Variants in PKD1L1 observed in about 807,000 individuals in gnomAD.
PKD1L1 encodes the protein polycystin 1 like 1, transient receptor potential channel interacting.
In PKD1L1, 236 loss-of-function variants were observed where a neutral mutation model predicts 323.4. The ratio of observed to expected loss-of-function variants is 0.73; its 90% CI spans 0.66 to 0.81. The LOEUF is 0.81. Ranked by LOEUF, PKD1L1 falls within the 40% of genes least tolerant of loss-of-function variation. The probability of loss-of-function intolerance (pLI) is 0.00; values close to 1 mark genes in which losing one functional copy is unlikely to be tolerated. For synonymous variants in PKD1L1, 1,344 were observed against 1,335.0 expected (o/e 1.01, Z -0.15); for missense variants, 3,320 against 3,508.0 (o/e 0.95, Z 1.35).
Position 47,821,103 on chromosome 7 carries a change from T to C in PKD1L1, c.6938A>G (p.Asn2313Ser), listed in dbSNP as rs757413273. 3.1e-5 allele frequency: 49 copies of C among 1,601,608 alleles called. No homozygotes were observed. The highest frequency in any genetic ancestry group is 4.0e-5 in the Non-Finnish European group (47 of 1,168,758). Reference sequence around the variant, plus strand: ...TGTAAATTCTTTCCGGATAGCTTGATTGAGGGAGTATTCATCTTGGGAAAA... The same window carrying C: ...TGTAAATTCTTTCCGGATAGCTTGACTGAGGGAGTATTCATCTTGGGAAAA... Reference protein sequence around the residue: ...GRFSQDEYSLNQAIRKEFTRN... With the variant: ...GRFSQDEYSLSQAIRKEFTRN... The change falls in exon 46 of 57, where the codon AAT becomes AGT. Residue 2313 changes from asparagine to serine, a missense_variant. Coordinates refer to ENST00000289672, the MANE Select transcript of PKD1L1 (RefSeq NM_138295.5).
rs193209813 is a variant in PKD1L1 at position 47,840,883 on chromosome 7, C to T, written c.5446-316G>A. On this transcript the variant is annotated intron_variant, in intron 34 of 56. Coordinates refer to ENST00000289672, the MANE Select transcript of PKD1L1 (RefSeq NM_138295.5). The surrounding 1 kb of genome is among the most constrained non-coding windows in gnomAD (Gnocchi z 4.1). ...TTCTCATGAGGGCGGGAGAACACCA[C>T]GGTGGGCACACCATTTTCCTCCCTG... Among the ~76,000 whole-genome samples, 218 of 152,286 alleles carry T rather than the reference C, an allele frequency of 1.4e-3. 3 individuals carry two copies. Among genetic ancestry groups the T allele is most frequent in the South Asian group, 4.1e-4 (2 of 4,826 alleles).
At chr7:47,778,896 G>C (rs1786628315) in intron 56 of PKD1L1, among the ~76,000 whole-genome samples, 4 of 152,156 alleles carry the variant, frequency 2.6e-5, no homozygotes, top group Admixed American at 2.6e-4. Context: ...TTTTATTCTG[G>C]AAAGAATTGT....
At chr7:47,921,921 C>T (rs1362371879) in intron 7 of PKD1L1, among the ~76,000 whole-genome samples, 1 of 151,210 alleles carries the variant, frequency 6.6e-6, no homozygotes. Context: ...CCCCCTCTCC[C>T]TCTCCCTCTC....
intron 19 of PKD1L1, among the ~76,000 whole-genome samples, chr7:47,883,802 A>G (rs1013184245): frequency 2.6e-5 from 4 of 152,222 alleles, no homozygotes; most frequent in African/African-American, 9.6e-5. Context: ...TCATTCACTC[A>G]TCAGCCATTT....
intron 54 of PKD1L1, among the ~76,000 whole-genome samples, chr7:47,797,581 T>A (rs920456230): frequency 6.6e-6 from 1 of 152,182 alleles, no homozygotes; most frequent in African/African-American, 2.4e-5. Flanking sequence ...CAATATTGCC[T>A]GCCTGTCTCA....
At chr7:47,855,486 T>C (rs1411190429) in intron 28 of PKD1L1, among the ~76,000 whole-genome samples, 2 of 152,232 alleles carry the variant, frequency 1.3e-5, no homozygotes, top group Non-Finnish European at 2.9e-5. Flanking sequence ...TTAAAATTAA[T>C]AATTTCTAAA....
chr7:47,939,310 A>G (rs1336097172), intron 3 of PKD1L1, among the ~76,000 whole-genome samples: 1 of 152,232 alleles, frequency 6.6e-6, no homozygotes, highest in South Asian at 2.1e-4. Flanking sequence ...GCTGCTCTGC[A>G]TGAGGAATAC....
intron 56 of PKD1L1, among the ~76,000 whole-genome samples, chr7:47,790,807 G>C (rs2128723267): frequency 6.7e-6 from 1 of 149,030 alleles, no homozygotes; most frequent in South Asian, 2.1e-4. Flanking sequence ...GTCTCACTCT[G>C]TCACCTAGGC....
rs151025480 is a variant in PKD1L1, at chr7:47,808,788, T to G, written c.7687-401A>C. On this transcript the variant is annotated intron_variant, in intron 51 of 56. Coordinates refer to ENST00000289672, the MANE Select transcript of PKD1L1 (RefSeq NM_138295.5). The stretch of plus-strand genomic sequence containing the variant: ...ATCAGCACTTACGATGAATGGCACT[T>G]GCAGGACCAGAAGTGGCTCTGGGTG... Among the ~76,000 whole-genome samples, 353 of 152,324 alleles carry G rather than the reference T, an allele frequency of 2.3e-3. 2 individuals carry two copies. The highest frequency in any genetic ancestry group is 8.1e-3 in the African/African-American group (338 of 41,574).
intron 21 of PKD1L1, 148 bp downstream of exon 21, chr7:47,880,580 C>T: frequency 3.1e-6 from 1 of 322,824 alleles, no homozygotes; most frequent in Non-Finnish European, 5.6e-6. Flanking sequence ...CTGTGCCCAG[C>T]CCTATATATA....
At chr7:47,852,197 T>C (rs890570173) in intron 31 of PKD1L1, among the ~76,000 whole-genome samples, 14 of 152,178 alleles carry the variant, frequency 9.2e-5, no homozygotes, top group Admixed American at 4.6e-4. Context: ...CACATGCAGA[T>C]AAGGCAAATG....
intron 31 of PKD1L1, among the ~76,000 whole-genome samples, chr7:47,851,530 A>G (rs1223359913): frequency 6.6e-6 from 1 of 152,194 alleles, no homozygotes; most frequent in Non-Finnish European, 1.5e-5. Context: ...TGGTGGAATT[A>G]GCAAATCACC....
At chr7:47,913,611 C>T (rs1379724780) in intron 8 of PKD1L1, among the ~76,000 whole-genome samples, 1 of 152,174 alleles carries the variant, frequency 6.6e-6, no homozygotes, top group Non-Finnish European at 1.5e-5. Context: ...CCCCCTCTTG[C>T]TCCTACTCCG....
At chr7:47,881,017 T>C (rs974900049) in intron 20 of PKD1L1, among the ~76,000 whole-genome samples, 1 of 151,912 alleles carries the variant, frequency 6.6e-6, no homozygotes, top group South Asian at 2.1e-4. Flanking sequence ...CTGAGGATGG[T>C]CCATCCATCC....
intron 38 of PKD1L1, 35 bp downstream of exon 38, chr7:47,835,098 A>C: frequency 6.2e-7 from 1 of 1,607,094 alleles, no homozygotes; most frequent in Non-Finnish European, 8.5e-7. Context: ...GGGGCTGCTC[A>C]GGAGAACAGG....
intron 55 of PKD1L1, among the ~76,000 whole-genome samples, chr7:47,794,541 C>T (rs1240975540): frequency 6.6e-6 from 1 of 152,184 alleles, no homozygotes; most frequent in Non-Finnish European, 1.5e-5. Context: ...GCCTGGATAC[C>T]CAGGCAAAAG....
chr7:47,809,633 T>C (rs866144332), intron 50 of PKD1L1, 56 bp from the exon 51 acceptor site: 5 of 1,356,954 alleles, frequency 3.7e-6, no homozygotes, highest in Middle Eastern at 3.7e-4. Flanking sequence ...AAATTGTTTT[T>C]TGAAGGTCTA....
intron 45 of PKD1L1, among the ~76,000 whole-genome samples, chr7:47,822,625 G>T (rs1166544903): frequency 6.8e-6 from 1 of 146,472 alleles, no homozygotes; most frequent in Non-Finnish European, 1.5e-5. Flanking sequence ...AAAAACAGCT[G>T]TGGTATTGCA....
At chr7:47,890,986 T>C (rs952027566) in intron 15 of PKD1L1, among the ~76,000 whole-genome samples, 1 of 152,170 alleles carries the variant, frequency 6.6e-6, no homozygotes, top group Non-Finnish European at 1.5e-5. Flanking sequence ...CCCGACTCAC[T>C]GAGGCCTGAC....
Sources: allele counts gnomAD v4.1 joint callset (sites outside exome capture counted in the v4.1 genomes callset), GRCh38; gene constraint gnomAD v4.1.1; non-coding constraint Gnocchi (gnomAD v3.1); transcripts MANE v1.5; gene names NCBI Gene and HGNC (gene_info 2026-07-23, HGNC 2026-07-21).